The following ODF2 variants were observed in gnomAD, a reference collection of about 807,000 sequenced individuals.
ODF2 encodes the protein outer dense fiber protein 2.
A neutral mutation model predicts 110.2 loss-of-function variants in ODF2; 47 were observed. The ratio of observed to expected loss-of-function variants is 0.43; its 90% CI spans 0.34 to 0.54. The LOEUF (loss-of-function observed/expected upper bound fraction) is 0.54. ODF2 is among the 20% of genes least tolerant of loss of function. The pLI, the probability that ODF2 is intolerant of heterozygous loss-of-function variation, is 0.03. For missense variants in ODF2, 812 were observed against 1,054.5 expected, an observed-to-expected ratio of 0.77 and a Z score of 3.19; for synonymous variants, 352 against 397.7, an observed-to-expected ratio of 0.89 and a Z score of 1.37.
At chr9:128,491,250 G>C (rs1358580378) in intron 14 of ODF2, among the ~76,000 whole-genome samples, 1 of 151,954 alleles carries the variant, frequency 6.6e-6, no homozygotes, top group Admixed American at 6.6e-5. Context: ...TCACCATATT[G>C]GCCAGGCTGG....
At position 128,484,723 on chromosome 9, in the gene ODF2, A is replaced by G. The variant is rs1347315131; in HGVS notation, c.1127A>G (p.Gln376Arg). ...CAGAATCTGGAGCGCAGCGGGAATC[A>G]GCATAAGGCAGAAGTGGAGGCCATC... Residue 376 changes from glutamine to arginine, a missense_variant, in exon 12 of 21, where the codon CAG becomes CGG. Gln to Arg is a conservative substitution (Grantham distance 43). This residue lies in a region of ODF2 where 73 missense variants were observed against 71.0 expected (regional missense o/e 1.03). Coordinates refer to ENST00000604420, the Ensembl canonical transcript of ODF2. 7 of 1,581,472 alleles carry G rather than the reference A, an allele frequency of 4.4e-6. No homozygotes were observed. The highest frequency in any genetic ancestry group is 1.3e-5 in the African/African-American group (1 of 74,278).
At chr9:128,486,546 G>T (rs1843385890) in intron 13 of ODF2, among the ~76,000 whole-genome samples, 1 of 152,192 alleles carries the variant, frequency 6.6e-6, no homozygotes, top group Admixed American at 6.5e-5. Context: ...TTGTGCAAAG[G>T]GTTTTTGATG....
intron 4 of ODF2, among the ~76,000 whole-genome samples, chr9:128,465,387 T>C (rs945517340): frequency 6.6e-6 from 1 of 152,162 alleles, no homozygotes; most frequent in Non-Finnish European, 1.5e-5. Context: ...ATCTTACAAC[T>C]CCTGGAATAT....
In ODF2 at chr9:128,462,596, G is replaced by T. The variant is rs143069205; in HGVS notation, c.249+1529G>T. On this transcript the variant is annotated intron_variant, in intron 4 of 20. Coordinates refer to ENST00000604420, the Ensembl canonical transcript of ODF2. ...CATCATAGAAGAGTACAGGGATTTT[G>T]TTTTTTTGTTTTTTTTTTTTTGAGA... Among the ~76,000 whole-genome samples, 409 of 149,074 alleles carry T rather than the reference G, an allele frequency of 2.7e-3. 5 individuals are homozygous for T. The East Asian group carries it at 0.053, about 19-fold the overall frequency.
exon 18 of ODF2, chr9:128,496,058 C>A: frequency 6.2e-7 from 1 of 1,613,770 alleles, no homozygotes; most frequent in South Asian, 1.1e-5. Flanking sequence ...ACCAGGGGGA[C>A]AAGCTGGAGA....
rs1437060556 is a variant in ODF2 at position 128,487,799 on chromosome 9, AAC to A, written c.1401-89_1401-88del. On this transcript the variant is annotated intron_variant, in intron 13 of 20. Transcript: ENST00000604420. The stretch of plus-strand genomic sequence containing the variant: ...GAGACTCCGTCTAAAAAAACAAACA[AAC>A]AAAACACACACACACACACACACAC... 5.9e-5 allele frequency: 79 copies of A among 1,333,630 alleles called. No homozygotes were observed. The Middle Eastern group carries it at 9.3e-4, about 16-fold the overall frequency. 82.6% of individuals were successfully genotyped at this position (1,333,630 alleles called of 1,614,324 possible).
At chr9:128,466,735 T>C (rs1423898305) in intron 4 of ODF2, among the ~76,000 whole-genome samples, 3 of 149,594 alleles carry the variant, frequency 2.0e-5, no homozygotes, top group South Asian at 2.1e-4. Flanking sequence ...CCCAACACTT[T>C]GGGAGGCCGA....
At chr9:128,476,394 T>G (rs1196786985) in intron 8 of ODF2, among the ~76,000 whole-genome samples, 1 of 151,952 alleles carries the variant, frequency 6.6e-6, no homozygotes, top group Non-Finnish European at 1.5e-5. Flanking sequence ...TTCAAGTGAT[T>G]TTCCTGTCTC....
At chr9:128,455,943 CG>C, upstream of ODF2, 1 of 1,404,058 alleles carries the variant, frequency 7.1e-7, no homozygotes, top group East Asian at 2.7e-5. Flanking sequence ...CGGCCAGGCC[CG>C]CTGGACGCGT....
chr9:128,458,579 C>G (rs1422742958), intron 2 of ODF2, among the ~76,000 whole-genome samples: 1 of 146,620 alleles, frequency 6.8e-6, no homozygotes, highest in Non-Finnish European at 1.5e-5. Flanking sequence ...GACTTTTGCT[C>G]TCTCTCTTTT....
At chr9:128,455,317 C>A, upstream of ODF2, 3 of 1,196,166 alleles carry the variant, frequency 2.5e-6, no homozygotes, top group Non-Finnish European at 3.5e-6. Context: ...TTTGGAAGGC[C>A]GAGGCGGGTG....
chr9:128,455,549 GTC>G (rs1236402943), upstream of ODF2, among the ~76,000 whole-genome samples: 1 of 78,868 alleles, frequency 1.3e-5, no homozygotes, highest in African/African-American at 4.6e-5. Context: ...GCAAGAATCT[GTC>G]TCAAAAAAAA....
chr9:128,487,861 C>T (rs1159407509), intron 13 of ODF2, 29 bp from the exon 14 acceptor site: 19 of 1,612,558 alleles, frequency 1.2e-5, no homozygotes, highest in Non-Finnish European at 1.5e-5. Context: ...TTGATTCTCT[C>T]TGTCTGCTTT....
At position 128,461,207 on chromosome 9, in the gene ODF2, G is replaced by T. The variant is rs1298909462; in HGVS notation, c.249+140G>T. 3 of 1,041,714 alleles carry T rather than the reference G, an allele frequency of 2.9e-6. No homozygotes were observed. In the Admixed American group the frequency reaches 8.0e-5, roughly 28 times the overall value. 64.5% of individuals were successfully genotyped at this position (1,041,714 alleles called of 1,614,324 possible). A position where few individuals can be genotyped will look rare whatever the true frequency, so the allele number is the denominator to read the frequency against. On this transcript the variant is annotated intron_variant, in intron 4 of 20. Transcript: ENST00000604420. ...TTTACTGAGGGCCTTGCTAAACCCT[G>T]AAACTATGTGAATCTTCTTGAGTTC...
At chr9:128,476,045 G>A (rs1475962917) in intron 8 of ODF2, among the ~76,000 whole-genome samples, 1 of 151,096 alleles carries the variant, frequency 6.6e-6, no homozygotes, top group Non-Finnish European at 1.5e-5. Flanking sequence ...TGTGCATGTT[G>A]TGAAAGGATT....
At chr9:128,458,998 C>G (rs2131444360) in intron 2 of ODF2, among the ~76,000 whole-genome samples, 1 of 152,218 alleles carries the variant, frequency 6.6e-6, no homozygotes, top group South Asian at 2.1e-4. Context: ...ACACACGCCA[C>G]CACGCCAAGC....
chr9:128,497,447 ATATAT>A (rs1331825047), intron 18 of ODF2: 43 of 37,860 alleles, frequency 1.1e-3, no homozygotes, highest in African/African-American at 5.7e-3. Flanking sequence ...AAAAAAAAAA[ATATAT>A]ATATATATAT....
intron 8 of ODF2, among the ~76,000 whole-genome samples, chr9:128,480,019 G>C (rs1842113292): frequency 6.6e-6 from 1 of 152,158 alleles, no homozygotes; most frequent in Non-Finnish European, 1.5e-5. Context: ...CTACTGAGGA[G>C]GCTGAGGTGG....
At chr9:128,484,574 T>C (rs200120906) in intron 11 of ODF2, 127 bp from the exon 12 acceptor site, 1 of 1,043,604 alleles carries the variant, frequency 9.6e-7, no homozygotes, top group Non-Finnish European at 1.4e-6. Context: ...TAAGCACTTT[T>C]TTCTGTCTTC....
Sources: allele counts gnomAD v4.1 joint callset (sites outside exome capture counted in the v4.1 genomes callset), GRCh38; gene constraint gnomAD v4.1.1; regional missense constraint gnomAD v4.1.1; transcripts MANE v1.5; gene names NCBI Gene and HGNC (gene_info 2026-07-23, HGNC 2026-07-21).